Variants in TPX2 observed in about 807,000 individuals in gnomAD.
TPX2 encodes targeting protein for Xklp2.
Under a neutral mutation model 93.6 loss-of-function variants are expected in TPX2, and 21 were observed. The observed-to-expected ratio is 0.22, with a 90% CI of 0.16 to 0.32. TPX2 has a LOEUF of 0.32. Among genes scored for constraint, TPX2 ranks in the 10% least tolerant of loss-of-function variants. The pLI is 1.00. For missense variants in TPX2, 776 were observed against 871.1 expected (o/e 0.89, Z 1.37); for synonymous variants, 281 against 298.3 (o/e 0.94, Z 0.60).
chr20:31,782,856 T>C (rs2062041506), intron 11 of TPX2, among the ~76,000 whole-genome samples: 1 of 150,622 alleles, frequency 6.6e-6, no homozygotes, highest in South Asian at 2.1e-4. Context: ...CCAGCTTGGG[T>C]GACAAAGCGA....
intron 7 of TPX2, among the ~76,000 whole-genome samples, chr20:31,772,240 C>A (rs530672530): frequency 6.6e-6 from 1 of 152,044 alleles, no homozygotes. Flanking sequence ...AGGCTGGTCT[C>A]GAATTCCTGA....
chr20:31,778,680 G>C, intron 9 of TPX2, 133 bp from the exon 10 acceptor site: 1 of 812,604 alleles, frequency 1.2e-6, no homozygotes, highest in Non-Finnish European at 1.9e-6. Flanking sequence ...CTCAAGGACT[G>C]ACAAACTTCA....
At chr20:31,745,770 C>G (rs961461995) in intron 2 of TPX2, among the ~76,000 whole-genome samples, 1 of 152,180 alleles carries the variant, frequency 6.6e-6, no homozygotes, top group Non-Finnish European at 1.5e-5. Context: ...CCATTACAAA[C>G]TTTTTCAGCT....
intron 17 of TPX2, among the ~76,000 whole-genome samples, chr20:31,800,640 C>T (rs1229175119): frequency 1.3e-5 from 2 of 152,182 alleles, no homozygotes; most frequent in African/African-American, 2.4e-5. Context: ...CTCTGCTATA[C>T]TTGAGTACAG....
intron 4 of TPX2, among the ~76,000 whole-genome samples, chr20:31,764,135 T>C (rs749732690): frequency 4.6e-5 from 7 of 151,688 alleles, no homozygotes; most frequent in African/African-American, 9.7e-5. Flanking sequence ...TATATGTACA[T>C]ATACATGTAT....
At chr20:31,800,155 TG>T (rs376063804) in intron 17 of TPX2, among the ~76,000 whole-genome samples, 35 of 152,308 alleles carry the variant, frequency 2.3e-4, no homozygotes, top group African/African-American at 8.2e-4. Flanking sequence ...TAGGTGATTA[TG>T]CCCATAGGAA....
Position 31,760,099 on chromosome 20 carries a change from G to C in TPX2, c.149G>C (p.Gly50Ala). 1 of 1,613,910 alleles carries C rather than the reference G, an allele frequency of 6.2e-7. No homozygotes were observed. Among genetic ancestry groups the C allele is most frequent in the Non-Finnish European group, 8.5e-7 (1 of 1,179,960 alleles). Reference sequence around the variant, plus strand: ...GAGAATAAGTTACTGGGGAAGAATGGAACTGGAGGGCTTTTTCAGGGCAAA... The same window carrying C: ...GAGAATAAGTTACTGGGGAAGAATGCAACTGGAGGGCTTTTTCAGGGCAAA... ...NLENKLLGKNGTGGLFQGKTP... is the reference protein window; with the variant it reads ...NLENKLLGKNATGGLFQGKTP... The change falls in exon 4 of 18, where the codon GGA becomes GCA. Residue 50 changes from glycine (G) to alanine (A), a missense_variant. Transcript: ENST00000300403.
chr20:31,756,251 T>C (rs1326775773), intron 2 of TPX2, among the ~76,000 whole-genome samples: 1 of 152,166 alleles, frequency 6.6e-6, no homozygotes, highest in Non-Finnish European at 1.5e-5. Context: ...GACATTTACA[T>C]AGTTAATATA....
At chr20:31,782,204 T>G (rs546209884) in intron 10 of TPX2, 45 bp from the exon 11 acceptor site, 4 of 1,568,736 alleles carry the variant, frequency 2.5e-6, no homozygotes, top group Admixed American at 1.8e-5. Flanking sequence ...ACAAGTAAAC[T>G]GGGTCTTGCG....
At chr20:31,745,744 G>A (rs1328782264) in intron 2 of TPX2, among the ~76,000 whole-genome samples, 2 of 152,160 alleles carry the variant, frequency 1.3e-5, no homozygotes, top group Non-Finnish European at 2.9e-5. Context: ...ATTGTAATCT[G>A]CAGCCACACT....
intron 7 of TPX2, 47 bp from the exon 8 acceptor site, chr20:31,775,820 G>T: frequency 1.4e-6 from 2 of 1,425,474 alleles, no homozygotes; most frequent in Non-Finnish European, 1.8e-6. Context: ...GAGTCACTGG[G>T]TGCCTTTCTC....
intron 6 of TPX2, 142 bp from the exon 7 acceptor site, chr20:31,771,418 G>C (rs2061963705): frequency 1.9e-6 from 2 of 1,069,492 alleles, no homozygotes; most frequent in Non-Finnish European, 2.6e-6. Context: ...TAATGATACT[G>C]TTGGAAGAAT....
chr20:31,763,933 C>G (rs577085236), intron 4 of TPX2, among the ~76,000 whole-genome samples: 2 of 151,386 alleles, frequency 1.3e-5, no homozygotes, highest in Non-Finnish European at 2.9e-5. Context: ...GTAGGAGAAT[C>G]GCTGAAACCT....
At chr20:31,748,934 A>G (rs2061801010) in intron 2 of TPX2, among the ~76,000 whole-genome samples, 1 of 150,244 alleles carries the variant, frequency 6.7e-6, no homozygotes. Context: ...TTATTTATCT[A>G]TTTAAATGTG....
At chr20:31,798,309 G>T (rs1318148799) in intron 16 of TPX2, 56 bp from the exon 17 acceptor site, 2 of 1,607,608 alleles carry the variant, frequency 1.2e-6, no homozygotes, top group South Asian at 2.2e-5. Flanking sequence ...TCCAGGGGGC[G>T]TAGGTTTATG....
At chr20:31,773,266 C>T (rs1292610748) in intron 7 of TPX2, among the ~76,000 whole-genome samples, 1 of 151,772 alleles carries the variant, frequency 6.6e-6, no homozygotes, top group African/African-American at 2.4e-5. Context: ...ATTCTTCTGC[C>T]TCAGTCTCCC....
intron 12 of TPX2, among the ~76,000 whole-genome samples, chr20:31,787,692 C>T (rs2062075637): frequency 6.6e-6 from 1 of 152,038 alleles, no homozygotes; most frequent in Non-Finnish European, 1.5e-5. Context: ...TCTTTGTTCA[C>T]ATGTGAGAGG....
At chr20:31,794,097 CT>C (rs2062120200) in intron 14 of TPX2, 73 bp downstream of exon 14, 1 of 1,424,634 alleles carries the variant, frequency 7.0e-7, no homozygotes, top group African/African-American at 1.4e-5. Context: ...TTCTGTAGCA[CT>C]TTTAACTATA....
chr20:31,763,746 G>A (rs1485304865), intron 4 of TPX2, among the ~76,000 whole-genome samples: 2 of 142,674 alleles, frequency 1.4e-5, no homozygotes, highest in African/African-American at 2.6e-5. Context: ...TTGGCTGGAC[G>A]TGATACCTCA....
Sources: allele counts gnomAD v4.1 joint callset (sites outside exome capture counted in the v4.1 genomes callset), GRCh38; gene constraint gnomAD v4.1.1; transcripts MANE v1.5; gene names NCBI Gene and HGNC (gene_info 2026-07-23, HGNC 2026-07-21).